GAS2: variants seen among roughly 807,000 people sequenced by gnomAD.
GAS2 encodes the protein growth arrest specific 2.
In GAS2, 20 loss-of-function variants were observed where a neutral mutation model predicts 37.5. The observed-to-expected ratio is 0.53, with a 90% confidence interval of 0.37 to 0.77. The LOEUF (loss-of-function observed/expected upper bound fraction) is 0.77, where lower values mean the gene tolerates loss of function less well. Among genes scored for constraint, GAS2 ranks in the 30% least tolerant of loss-of-function variants. The pLI is 0.00. For synonymous variants in GAS2, 144 were observed against 132.2 expected (o/e 1.09, Z -0.61); for missense variants, 336 against 373.4 (o/e 0.90, Z 0.82).
chr11:22,651,529 C>T (rs1234992474), intron 1 of GAS2, among the ~76,000 whole-genome samples: 2 of 152,158 alleles, frequency 1.3e-5, no homozygotes, highest in African/African-American at 4.8e-5. Context: ...AACTTGGTTC[C>T]ATTCTCCTCG....
At chr11:22,645,467 A>T (rs12789558) in intron 1 of GAS2, among the ~76,000 whole-genome samples, 1 of 152,202 alleles carries the variant, frequency 6.6e-6, no homozygotes, top group South Asian at 2.1e-4. Flanking sequence ...AAATCATGCC[A>T]CTGCACTCCA....
Position 22,807,408 on chromosome 11 carries a change from C to T in GAS2, c.724-4390C>T, listed in dbSNP as rs79357883. 8.6e-4 allele frequency among the ~76,000 whole-genome samples: 131 copies of T among 152,308 alleles called. No homozygotes were observed. The East Asian group carries it at 0.023, about 26-fold the overall frequency. On this transcript the variant is annotated intron_variant, in intron 7 of 7. Coordinates refer to ENST00000454584, the MANE Select transcript of GAS2 (RefSeq NM_001143830.3). ...ACGTAAGATGTTTTAAAGGAAGTTG[C>T]ATCTGTTTCTAAAAGGAAAACAATT...
chr11:22,685,033 T>A (rs908866809), intron 2 of GAS2, among the ~76,000 whole-genome samples: 2 of 152,122 alleles, frequency 1.3e-5, no homozygotes, highest in African/African-American at 2.4e-5. Context: ...CACCCTAGAT[T>A]ACATGACTGT....
At chr11:22,664,534 A>G (rs1360683086), upstream of GAS2, among the ~76,000 whole-genome samples, 1 of 152,102 alleles carries the variant, frequency 6.6e-6, no homozygotes, top group South Asian at 2.1e-4. Context: ...CTTCTTTTTA[A>G]TGGTGTTAAG....
At chr11:22,649,195 C>T (rs372941636) in intron 1 of GAS2, among the ~76,000 whole-genome samples, 3 of 151,212 alleles carry the variant, frequency 2.0e-5, no homozygotes, top group Non-Finnish European at 4.4e-5. Context: ...TTGTCTTTGG[C>T]TCTGTTTATA....
chr11:22,767,713 T>G (rs1854767436), intron 7 of GAS2, among the ~76,000 whole-genome samples: 1 of 152,206 alleles, frequency 6.6e-6, no homozygotes, highest in Admixed American at 6.5e-5. Flanking sequence ...ATAAATAGGA[T>G]GTAGCTGGAT....
At chr11:22,672,536 A>G (rs1250060984) in intron 1 of GAS2, 1 of 152,210 alleles carries the variant, frequency 6.6e-6, no homozygotes, top group African/African-American at 2.4e-5. Context: ...TTTATAGAGC[A>G]AAATAGGACT....
At chr11:22,760,703 G>T (rs1298746860) in intron 7 of GAS2, among the ~76,000 whole-genome samples, 2 of 152,082 alleles carry the variant, frequency 1.3e-5, no homozygotes, top group African/African-American at 4.8e-5. Flanking sequence ...TTAGGATAAA[G>T]ACAAAGAAAA....
chr11:22,716,350 A>G (rs544618614), intron 3 of GAS2, among the ~76,000 whole-genome samples: 62 of 152,294 alleles, frequency 4.1e-4, no homozygotes, highest in Middle Eastern at 3.4e-3. Flanking sequence ...AGAGAAAGAA[A>G]GAAAGGGTAT....
intron 1 of GAS2, among the ~76,000 whole-genome samples, chr11:22,653,395 C>T (rs969841257): frequency 3.9e-5 from 6 of 152,020 alleles, no homozygotes; most frequent in African/African-American, 9.7e-5. Context: ...AGGCACCTAG[C>T]GCAGTGACTA....
chr11:22,747,479 A>G (rs958298645), intron 5 of GAS2, among the ~76,000 whole-genome samples: 3 of 152,334 alleles, frequency 2.0e-5, no homozygotes, highest in African/African-American at 7.2e-5. Flanking sequence ...GTAATTGTTC[A>G]GTAGAATTGG....
intron 4 of GAS2, among the ~76,000 whole-genome samples, chr11:22,731,999 A>G (rs1360518905): frequency 6.6e-6 from 1 of 151,708 alleles, no homozygotes; most frequent in African/African-American, 2.4e-5. Context: ...CCCCTATGTC[A>G]GGGAAGATGC....
intron 1 of GAS2, among the ~76,000 whole-genome samples, chr11:22,637,204 ATTAC>A (rs1404880016): frequency 8.3e-6 from 1 of 120,530 alleles, no homozygotes; most frequent in Non-Finnish European, 1.6e-5. Context: ...ATATTAATAT[ATTAC>A]TTATGTTAAT....
At chr11:22,734,940 T>C (rs1296682095) in intron 4 of GAS2, among the ~76,000 whole-genome samples, 1 of 151,828 alleles carries the variant, frequency 6.6e-6, no homozygotes, top group African/African-American at 2.4e-5. Flanking sequence ...ACATTTGAAT[T>C]TACATTTTAT....
chr11:22,719,678 C>T (rs1453793030), intron 3 of GAS2, among the ~76,000 whole-genome samples: 2 of 152,066 alleles, frequency 1.3e-5, no homozygotes, highest in Non-Finnish European at 2.9e-5. Context: ...CATGGTTTGC[C>T]TTTTCCAGAT....
At chr11:22,759,773 A>G (rs775141148) in intron 7 of GAS2, among the ~76,000 whole-genome samples, 5 of 152,324 alleles carry the variant, frequency 3.3e-5, no homozygotes, top group Admixed American at 6.5e-5. Context: ...AAATAGGTGG[A>G]TCTCAGGACT....
intron 3 of GAS2, among the ~76,000 whole-genome samples, chr11:22,698,282 A>G (rs1455091088): frequency 2.6e-5 from 4 of 152,156 alleles, no homozygotes; most frequent in Non-Finnish European, 5.9e-5. Context: ...AAATGGATAA[A>G]TTCCTCAACA....
At chr11:22,663,987 TA>T (rs1231811877), upstream of GAS2, among the ~76,000 whole-genome samples, 4 of 152,172 alleles carry the variant, frequency 2.6e-5, no homozygotes, top group Non-Finnish European at 4.4e-5. Context: ...TTTAAGTTAT[TA>T]TTAAATATAT....
rs559006661 is a variant in GAS2 at position 22,658,176 on chromosome 11, C to T, written c.-20-16674C>T. Among the ~76,000 whole-genome samples the T allele has an allele frequency of 2.0e-5, 3 of 152,116 alleles. 1 individual carries two copies. The South Asian group carries it at 6.2e-4, about 32-fold the overall frequency. ...AAGTAGCTGGGATTACAGGTGCCCA[C>T]CACCATGCTCAGCTAATTTTTAAAA... is the stretch of plus-strand genomic sequence containing the variant. On this transcript the variant is annotated intron_variant, in intron 1 of 5. Coordinates refer to the GAS2 transcript ENST00000528582.
Sources: allele counts gnomAD v4.1 joint callset (sites outside exome capture counted in the v4.1 genomes callset), GRCh38; gene constraint gnomAD v4.1.1; transcripts MANE v1.5; gene names NCBI Gene and HGNC (gene_info 2026-07-23, HGNC 2026-07-21).